The following RRAGB variants were observed in gnomAD, a reference collection of about 807,000 sequenced individuals.
RRAGB encodes the protein ras-related GTP-binding protein B.
Under a neutral mutation model 29.3 loss-of-function variants are expected in RRAGB, and 6 were observed. The ratio of observed to expected loss-of-function variants is 0.21; its 90% CI spans 0.11 to 0.40. The LOEUF (loss-of-function observed/expected upper bound fraction) is 0.40, where lower values mean the gene tolerates loss of function less well. RRAGB is among the 10% of genes least tolerant of loss of function. The probability of loss-of-function intolerance (pLI) is 1.00; values close to 1 mark genes in which losing one functional copy is unlikely to be tolerated. For synonymous variants in RRAGB, 101 were observed against 92.5 expected (o/e 1.09, Z -0.53); for missense variants, 184 against 272.9 (o/e 0.67, Z 2.29).
chrX:55,723,298 C>T (rs1194427496), intron 3 of RRAGB, among the ~76,000 whole-genome samples: 2 of 110,284 alleles, frequency 1.8e-5, no homozygotes, highest in Non-Finnish European at 3.8e-5. Flanking sequence ...CCCACAACGA[C>T]GCCCAGCTAA....
intron 3 of RRAGB, among the ~76,000 whole-genome samples, chrX:55,723,570 T>C (rs150527392): frequency 0.019 from 2,126 of 109,660 alleles, 57 homozygotes; most frequent in African/African-American, 0.066. Flanking sequence ...TTTTTTTTTC[T>C]TTTTGGAGAC....
intron 7 of RRAGB, among the ~76,000 whole-genome samples, 179 bp downstream of exon 7, chrX:55,753,693 G>GT (rs2034583378): frequency 8.9e-6 from 1 of 112,582 alleles, no homozygotes; most frequent in South Asian, 3.7e-4. Flanking sequence ...GCCCTTTGGT[G>GT]TGTAGCTCTT....
In RRAGB at chrX:55,731,350, A is replaced by T. The variant is rs200187959; in HGVS notation, c.294-14A>T. ...TTGAGGATTTGCTTACTATATATAT[A>T]TTTTTTCTATCAGGCAAGACACCTT... On this transcript the variant is annotated splice_polypyrimidine_tract_variant and intron_variant, in intron 4 of 9. Transcript: ENST00000374941. The T allele has an allele frequency of 7.6e-4, 878 of 1,156,959 alleles. 2 individuals are homozygous for T. The African/African-American group carries it at 0.011, about 14-fold the overall frequency.
chrX:55,752,395 C>T, intron 6 of RRAGB: 1 of 748,323 alleles, frequency 1.3e-6, no homozygotes, highest in Non-Finnish European at 1.6e-6. Context: ...TTGGTGCCTT[C>T]TCCAAGGTAA....
chrX:55,726,914 A>T (rs180999012), intron 3 of RRAGB, among the ~76,000 whole-genome samples: 38 of 111,573 alleles, frequency 3.4e-4, no homozygotes, highest in Non-Finnish European at 3.0e-4. Context: ...CAAATAAAAT[A>T]ATAAGAATAG....
At chrX:55,718,732 A>T (rs2033149148) in intron 1 of RRAGB, among the ~76,000 whole-genome samples, 1 of 111,402 alleles carries the variant, frequency 9.0e-6, no homozygotes, top group African/African-American at 3.3e-5. Context: ...GGGGATGGAA[A>T]GACTAGAAAG....
chrX:55,749,597 T>G (rs1291064538), intron 5 of RRAGB, among the ~76,000 whole-genome samples: 4 of 109,642 alleles, frequency 3.6e-5, no homozygotes, highest in Non-Finnish European at 7.7e-5. Flanking sequence ...TAGAAAGGGG[T>G]GAAAGGTGGG....
intron 3 of RRAGB, among the ~76,000 whole-genome samples, chrX:55,727,904 GTGTT>G (rs1487006771): frequency 9.0e-6 from 1 of 111,460 alleles, no homozygotes; most frequent in Non-Finnish European, 1.9e-5. Flanking sequence ...TGCTTAATGA[GTGTT>G]TGAATGAATT....
Position 55,718,394 on chromosome X carries a change from C to T in RRAGB, c.67C>T (p.Leu23=). 8.3e-7 allele frequency: 1 copy of T among 1,199,970 alleles called. No individual in the cohort carries two copies. The highest frequency in any genetic ancestry group is 1.1e-6 in the Non-Finnish European group (1 of 887,984). The change falls in exon 1 of 10, where the codon CTA becomes TTA. Residue 23 remains leucine, a synonymous_variant. Coordinates refer to ENST00000374941, the MANE Select transcript of RRAGB (RefSeq NM_006064.5). ...ENLGPRMDPP[L]GEPEGSLGWV... ...TCTGGGGCCGAGAATGGATCCACCA[C>T]TAGGGGAACCGGAAGGATCGCTTGG...
intron 5 of RRAGB, among the ~76,000 whole-genome samples, chrX:55,732,781 G>A (rs192077914): frequency 1.4e-4 from 16 of 111,461 alleles, no homozygotes; most frequent in African/African-American, 5.2e-4. Context: ...CGCAGCTTGG[G>A]TCTTGAGTTT....
In RRAGB at chrX:55,757,345, T is replaced by G; in HGVS notation, c.943+14T>G. 1 of 1,000,919 alleles carries G rather than the reference T, an allele frequency of 1.0e-6. No homozygotes were observed. The highest frequency in any genetic ancestry group is 1.4e-6 in the Non-Finnish European group (1 of 714,689). 82.5% of individuals were successfully genotyped at this position (1,000,919 alleles called of 1,213,427 possible). A position where few individuals can be genotyped will look rare whatever the true frequency, so the allele number is the denominator to read the frequency against. On this transcript the variant is annotated intron_variant, in intron 9 of 9. Coordinates refer to ENST00000374941, the MANE Select transcript of RRAGB (RefSeq NM_006064.5). ...ATCCGTCCATTCGTAAGTTTAAACT[T>G]AGCTGACCTAGGTTCAAAGCCACAT...
chrX:55,742,251 T>A (rs1046890345), intron 5 of RRAGB, among the ~76,000 whole-genome samples: 1 of 112,643 alleles, frequency 8.9e-6, no homozygotes, highest in Non-Finnish European at 1.9e-5. Flanking sequence ...GTATAACTGG[T>A]CACGTGATTT....
rs201372924 is a variant in RRAGB at position 55,731,594 on chromosome X, A to G, written c.516+8A>G. ...GAGGATCAACGGGACCTGGTAAGAA[A>G]CAGAAGAAGTGCTGCACCAAATGCT... On this transcript the variant is annotated splice_region_variant and intron_variant, in intron 5 of 9. Transcript: ENST00000374941. The G allele has an allele frequency of 1.6e-4, 179 of 1,124,096 alleles. No individual in the cohort carries two copies. Among genetic ancestry groups the G allele is most frequent in the Non-Finnish European group, 2.1e-4 (171 of 823,552 alleles). 92.6% of individuals were successfully genotyped at this position (1,124,096 alleles called of 1,213,427 possible).
chrX:55,720,828 A>G (rs2146734880), intron 2 of RRAGB, among the ~76,000 whole-genome samples: 1 of 111,414 alleles, frequency 9.0e-6, no homozygotes, highest in South Asian at 3.8e-4. Context: ...CAGTGAGCTG[A>G]GATCATGCCA....
chrX:55,753,914 G>A (rs1045495300), intron 7 of RRAGB, among the ~76,000 whole-genome samples: 2 of 111,712 alleles, frequency 1.8e-5, no homozygotes, highest in East Asian at 5.6e-4. Context: ...GTGTGGTGAC[G>A]CATGCCTATA....
chrX:55,756,449 T>C (rs1037169536), intron 8 of RRAGB, among the ~76,000 whole-genome samples: 2 of 111,939 alleles, frequency 1.8e-5, no homozygotes, highest in African/African-American at 6.5e-5. Flanking sequence ...CATCATAATT[T>C]AGCAAAGATT....
intron 2 of RRAGB, among the ~76,000 whole-genome samples, chrX:55,721,566 A>T (rs1240518618): frequency 1.8e-5 from 2 of 111,677 alleles, no homozygotes; most frequent in Admixed American, 1.9e-4. Flanking sequence ...CTGTAAGCTA[A>T]AAGTTTCAGG....
chrX:55,733,018 C>T (rs2033736599), intron 5 of RRAGB, among the ~76,000 whole-genome samples: 1 of 110,729 alleles, frequency 9.0e-6, no homozygotes, highest in African/African-American at 3.3e-5. Context: ...TTTTTGATTA[C>T]ATGGATGAAT....
intron 5 of RRAGB, among the ~76,000 whole-genome samples, chrX:55,750,048 TAAAAAA>T (rs774847577): frequency 1.1e-3 from 19 of 16,771 alleles, no homozygotes; most frequent in African/African-American, 4.3e-3. Context: ...AATGATCAAT[TAAAAAA>T]AAAAAAAAAA....
Sources: gnomAD v4.1 joint callset for allele counts (sites outside exome capture counted in the v4.1 genomes callset) on GRCh38, gnomAD v4.1.1 for gene constraint, MANE v1.5 for transcripts, NCBI Gene and HGNC (gene_info 2026-07-23, HGNC 2026-07-21) for gene names.